ADAMTSL1: variants seen among roughly 807,000 people sequenced by gnomAD.
ADAMTSL1 encodes ADAMTS-like protein 1.
In ADAMTSL1, 126 loss-of-function variants were observed where a neutral mutation model predicts 201.8. The ratio of observed to expected loss-of-function variants is 0.62; its 90% confidence interval spans 0.54 to 0.72. ADAMTSL1 has a LOEUF of 0.72. ADAMTSL1 is among the 30% of genes least tolerant of loss of function. The pLI is 0.00. For missense variants in ADAMTSL1, 2,679 were observed against 2,277.8 expected (o/e 1.18, Z -3.59); for synonymous variants, 1,121 against 903.4 (o/e 1.24, Z -4.32).
At chr9:18,211,661 A>G (rs1203179398) in intron 2 of ADAMTSL1, among the ~76,000 whole-genome samples, 2 of 152,178 alleles carry the variant, frequency 1.3e-5, no homozygotes, top group Non-Finnish European at 2.9e-5. Context: ...AAATGTGGCA[A>G]TCCCTTAAAA....
intron 23 of ADAMTSL1, among the ~76,000 whole-genome samples, chr9:18,870,833 T>C (rs939403701): frequency 2.0e-5 from 3 of 152,204 alleles, no homozygotes; most frequent in Non-Finnish European, 4.4e-5. Flanking sequence ...TTATGATTGC[T>C]ATCTGCAGGA....
Position 17,929,121 on chromosome 9 carries a change from C to A in ADAMTSL1, c.87+22199C>A, listed in dbSNP as rs538060714. Among the ~76,000 whole-genome samples the A allele has an allele frequency of 2.6e-5, 4 of 152,142 alleles. No homozygotes were observed. In the East Asian group the frequency reaches 7.8e-4, roughly 29 times the overall value. ...AACGATGAAGAATAGGGGTTTCTAACCTTTTTAAATATAAAAACTTTTAAA... is the reference window on the plus strand; with the variant it reads ...AACGATGAAGAATAGGGGTTTCTAAACTTTTTAAATATAAAAACTTTTAAA... On this transcript the variant is annotated intron_variant, in intron 1 of 29. Transcript: ENST00000680146.
intron 1 of ADAMTSL1, among the ~76,000 whole-genome samples, chr9:18,118,151 T>G (rs1400274215): frequency 6.6e-6 from 1 of 152,152 alleles, no homozygotes; most frequent in Non-Finnish European, 1.5e-5. Flanking sequence ...TATTTGAAAG[T>G]CAAAAGGAAT....
At chr9:18,860,719 C>T (rs1349963201) in intron 23 of ADAMTSL1, among the ~76,000 whole-genome samples, 1 of 151,732 alleles carries the variant, frequency 6.6e-6, no homozygotes, top group Non-Finnish European at 1.5e-5. Flanking sequence ...AATCTCATTA[C>T]TGTAGGAAAA....
intron 1 of ADAMTSL1, among the ~76,000 whole-genome samples, chr9:18,479,130 A>C (rs1821602515): frequency 6.6e-6 from 1 of 152,192 alleles, no homozygotes; most frequent in Non-Finnish European, 1.5e-5. Context: ...CTCAAAAATA[A>C]ATGACTAAAT....
intron 2 of ADAMTSL1, among the ~76,000 whole-genome samples, chr9:18,454,093 C>T (rs1451603012): frequency 6.6e-6 from 1 of 152,138 alleles, no homozygotes; most frequent in Non-Finnish European, 1.5e-5. Context: ...GAAGTTCCAT[C>T]GCAGGCCATC....
At chr9:18,595,761 C>A (rs1824223022) in intron 4 of ADAMTSL1, among the ~76,000 whole-genome samples, 1 of 152,240 alleles carries the variant, frequency 6.6e-6, no homozygotes, top group Non-Finnish European at 1.5e-5. Context: ...GACCCCTTGG[C>A]AGATGATTTT....
At chr9:18,497,354 ATTACC>A (rs138904187) in intron 1 of ADAMTSL1, among the ~76,000 whole-genome samples, 54,909 of 151,998 alleles carry the variant, frequency 0.36, 10,856 homozygotes, top group South Asian at 0.47. Context: ...AAATACATGA[ATTACC>A]AGCTTCAGGC....
At chr9:18,010,065 T>A (rs888958842) in intron 1 of ADAMTSL1, among the ~76,000 whole-genome samples, 9 of 152,036 alleles carry the variant, frequency 5.9e-5, no homozygotes, top group African/African-American at 2.2e-4. Flanking sequence ...CAACTGATAC[T>A]GTGTGTGGTT....
rs76379777 is a variant in ADAMTSL1 at position 18,760,249 on chromosome 9, A to G, written c.2217+6741A>G. On this transcript the variant is annotated intron_variant, in intron 16 of 28. Transcript: ENST00000380548. ...TATACCCTATTTTATTCCATCTTCT[A>G]TATCTCCCCCACCACTCTCTTCCTT... Among the ~76,000 whole-genome samples the G allele has an allele frequency of 4.8e-3, 735 of 152,134 alleles. 4 individuals are homozygous for G. Among genetic ancestry groups the G allele is most frequent in the African/African-American group, 0.016 (659 of 41,488 alleles).
At chr9:18,602,643 A>T (rs1420630701) in intron 4 of ADAMTSL1, among the ~76,000 whole-genome samples, 3 of 152,294 alleles carry the variant, frequency 2.0e-5, no homozygotes, top group African/African-American at 7.2e-5. Context: ...TTGAGAAATC[A>T]GCCCCATCTG....
intron 1 of ADAMTSL1, among the ~76,000 whole-genome samples, chr9:18,075,415 G>A (rs990203042): frequency 5.9e-5 from 9 of 152,194 alleles, no homozygotes; most frequent in Non-Finnish European, 1.2e-4. Context: ...GGAGCCACAA[G>A]TACGTTGGGA....
intron 2 of ADAMTSL1, among the ~76,000 whole-genome samples, chr9:18,170,215 T>C (rs1827828329): frequency 1.3e-5 from 2 of 152,078 alleles, no homozygotes; most frequent in African/African-American, 4.8e-5. Context: ...TTCATATAAC[T>C]TCACATTTTC....
At chr9:18,638,339 A>C (rs570361050) in intron 6 of ADAMTSL1, among the ~76,000 whole-genome samples, 1 of 152,178 alleles carries the variant, frequency 6.6e-6, no homozygotes, top group East Asian at 1.9e-4. Context: ...GCCCCATCCA[A>C]GCACTCCATT....
At chr9:18,824,780 C>A (rs1824433210) in intron 21 of ADAMTSL1, among the ~76,000 whole-genome samples, 1 of 147,430 alleles carries the variant, frequency 6.8e-6, no homozygotes, top group Admixed American at 6.9e-5. Context: ...TCACTGCAAC[C>A]TCTGCCTCCC....
chr9:17,928,670 G>A (rs1057280575), intron 1 of ADAMTSL1, among the ~76,000 whole-genome samples: 5 of 152,144 alleles, frequency 3.3e-5, no homozygotes, highest in African/African-American at 1.2e-4. Context: ...AGTACTTTGG[G>A]AGGCTGAGGA....
rs1342269713 is a variant in ADAMTSL1 at position 18,462,747 on chromosome 9, T to C, written c.208-42082T>C. Among the ~76,000 whole-genome samples the C allele has an allele frequency of 2.0e-5, 3 of 151,944 alleles. No individual in the cohort carries two copies. In the East Asian group the frequency reaches 5.8e-4, roughly 29 times the overall value. ...TGAGGTCAGGAGTTTGAGACCAGCC[T>C]GGGTAACATGGTGAAATCTCATCTC... On this transcript the variant is annotated intron_variant, in intron 2 of 29. Coordinates refer to the ADAMTSL1 transcript ENST00000680146.
intron 15 of ADAMTSL1, among the ~76,000 whole-genome samples, chr9:18,739,927 G>A (rs1223273963): frequency 7.2e-5 from 11 of 151,972 alleles, no homozygotes; most frequent in Admixed American, 3.3e-4. Flanking sequence ...GTGTGTGTGT[G>A]TGTGTCTCCC....
intron 11 of ADAMTSL1, 113 bp from the exon 12 acceptor site, chr9:18,681,699 G>GGGC (rs1554728673): frequency 3.1e-5 from 9 of 287,606 alleles, no homozygotes; most frequent in South Asian, 6.7e-5. Context: ...TCCTCGTGTG[G>GGGC]GGGGGGGGGG....
Sources: gnomAD v4.1 joint callset for allele counts (sites outside exome capture counted in the v4.1 genomes callset) on GRCh38, gnomAD v4.1.1 for gene constraint, MANE v1.5 for transcripts, NCBI Gene and HGNC (gene_info 2026-07-23, HGNC 2026-07-21) for gene names.